The following TRPM3 variants were observed in gnomAD, a reference collection of about 807,000 sequenced individuals.
TRPM3 encodes long transient receptor potential channel 3.
TRPM3 carries 77 observed loss-of-function variants against 181.2 expected under a neutral mutation model. That is an observed-to-expected ratio of 0.42 (90% CI 0.35 to 0.51). The LOEUF is 0.51. Ranked by LOEUF, TRPM3 falls within the 20% of genes least tolerant of loss-of-function variation. The pLI is 0.01. For missense variants in TRPM3, 1,759 were observed against 2,196.7 expected (o/e 0.80, Z 3.98); for synonymous variants, 745 against 796.4 (o/e 0.94, Z 1.09).
intron 1 of TRPM3, among the ~76,000 whole-genome samples, chr9:71,003,619 T>G (rs2097641355): frequency 1.3e-5 from 2 of 152,144 alleles, no homozygotes; most frequent in African/African-American, 4.8e-5. Context: ...ATCTTTTGAA[T>G]TTTTACCAAT....
intron 8 of TRPM3, among the ~76,000 whole-genome samples, chr9:70,739,883 G>A (rs2073658838): frequency 2.0e-5 from 3 of 152,088 alleles, no homozygotes; most frequent in Admixed American, 2.0e-4. Context: ...CTCCCAAAGT[G>A]CTGGGATTAC....
At chr9:70,785,419 T>C (rs896125786) in intron 6 of TRPM3, among the ~76,000 whole-genome samples, 2 of 152,196 alleles carry the variant, frequency 1.3e-5, no homozygotes, top group African/African-American at 4.8e-5. Context: ...CACATTGTAT[T>C]TTTTCTCTCT....
Position 70,660,778 on chromosome 9 carries a change from A to T in TRPM3, c.1346-20118T>A, listed in dbSNP as rs558104462. On this transcript the variant is annotated intron_variant, in intron 9 of 25. Coordinates refer to ENST00000677713, the MANE Select transcript of TRPM3 (RefSeq NM_001366145.2). ...CTGAAAAGACAAATAACAAGCAGCA[A>T]GATTGAATAAGTATTAAAAAATGCC... is the stretch of plus-strand genomic sequence containing the variant. 1.3e-4 allele frequency among the ~76,000 whole-genome samples: 20 copies of T among 152,256 alleles called. No individual in the cohort carries two copies. The South Asian group carries it at 4.1e-3, about 32-fold the overall frequency.
intron 1 of TRPM3, among the ~76,000 whole-genome samples, chr9:71,047,868 C>G (rs1487148081): frequency 6.9e-6 from 1 of 144,814 alleles, no homozygotes; most frequent in Non-Finnish European, 1.5e-5. Context: ...ACTCACACAA[C>G]AAACAAATGA....
At chr9:70,584,280 C>T (rs965165157) in intron 22 of TRPM3, among the ~76,000 whole-genome samples, 1 of 152,150 alleles carries the variant, frequency 6.6e-6, no homozygotes, top group African/African-American at 2.4e-5. Flanking sequence ...TCTCTGTTAC[C>T]TTTTCAAGTA....
Position 71,331,755 on chromosome 9 carries a change from G to A in TRPM3, c.183+114898C>T, listed in dbSNP as rs1425343815. Among the ~76,000 whole-genome samples, 95 of 125,928 alleles carry A rather than the reference G, an allele frequency of 7.5e-4. 1 individual carries two copies. The highest frequency in any genetic ancestry group is 1.4e-3 in the Non-Finnish European group (84 of 59,784). 82.6% of individuals were successfully genotyped at this position (125,928 alleles called of 152,430 possible). A position where few individuals can be genotyped will look rare whatever the true frequency, so the allele number is the denominator to read the frequency against. On this transcript the variant is annotated intron_variant, in intron 1 of 24. Coordinates refer to the TRPM3 transcript ENST00000357533. ...GAGAAAAAGGAGGAGGAGGAAAAGG[G>A]GGAGAAAAAGGAGAAGGGGAAGAGG...
intron 1 of TRPM3, among the ~76,000 whole-genome samples, chr9:71,255,694 A>T (rs1260051804): frequency 6.6e-6 from 1 of 152,198 alleles, no homozygotes; most frequent in East Asian, 1.9e-4. Context: ...TTTGCCACCC[A>T]TTAAATGTAA....
At position 71,351,827 on chromosome 9, in the gene TRPM3, T is replaced by A. The variant is rs1364855560; in HGVS notation, c.183+94826A>T. ...TATGGGAGGAGAGGCAATAAGAAGG[T>A]AGGAGAGAGTAAAGGAAATGGGAAG... On this transcript the variant is annotated intron_variant, in intron 1 of 24. Transcript: ENST00000357533. Among the ~76,000 whole-genome samples the A allele has an allele frequency of 2.0e-5, 3 of 151,304 alleles. No homozygotes were observed. The East Asian group carries it at 5.8e-4, about 29-fold the overall frequency.
In TRPM3 at chr9:70,784,299, GAA is replaced by G. The variant is rs2083102901; in HGVS notation, c.974-22_974-21del. ...CGATTCCTGCATTAAAAAAGGAAAA[GAA>G]AAGGAAAAAAAGAGAAAAGAACACA... On this transcript the variant is annotated intron_variant, in intron 6 of 25. Transcript: ENST00000677713. 6.5e-7 allele frequency: 1 copy of G among 1,544,842 alleles called. No individual in the cohort carries two copies. Among genetic ancestry groups the G allele is most frequent in the African/African-American group, 1.4e-5 (1 of 71,796 alleles).
At position 70,781,318 on chromosome 9, in the gene TRPM3, C is replaced by T. The variant is rs1233942892; in HGVS notation, c.1148+2787G>A. On this transcript the variant is annotated intron_variant, in intron 7 of 25. Transcript: ENST00000677713. ...CCAGCCTGGGGGACAGCATGAGATT[C>T]CATTTCATAAAAAAAAAAAAAAAAA... Among the ~76,000 whole-genome samples the T allele has an allele frequency of 4.1e-5, 4 of 97,070 alleles. No individual in the cohort carries two copies. In the South Asian group the frequency reaches 1.8e-3, roughly 43 times the overall value. 63.7% of individuals were successfully genotyped at this position (97,070 alleles called of 152,430 possible).
intron 1 of TRPM3, among the ~76,000 whole-genome samples, 169 bp downstream of exon 1, chr9:71,121,009 G>A (rs1309407060): frequency 1.3e-5 from 2 of 150,340 alleles, no homozygotes; most frequent in South Asian, 4.2e-4. Context: ...GGTGGGGGGC[G>A]TGGGGGGAGG....
chr9:71,192,259 G>A (rs1433181800), intron 1 of TRPM3, among the ~76,000 whole-genome samples: 1 of 151,824 alleles, frequency 6.6e-6, no homozygotes, highest in Non-Finnish European at 1.5e-5. Flanking sequence ...CTAAGCCTGA[G>A]AAGAGAGTTT....
chr9:71,393,049 G>T (rs2093100804), intron 1 of TRPM3, among the ~76,000 whole-genome samples: 1 of 152,118 alleles, frequency 6.6e-6, no homozygotes, highest in African/African-American at 2.4e-5. Flanking sequence ...TTCTAGGAAG[G>T]ACTGGATACC....
At chr9:70,976,707 G>A (rs959293512) in intron 1 of TRPM3, among the ~76,000 whole-genome samples, 3 of 152,132 alleles carry the variant, frequency 2.0e-5, no homozygotes, top group Non-Finnish European at 4.4e-5. Context: ...TCTCGGGCAG[G>A]GTTAACATCT....
intron 9 of TRPM3, among the ~76,000 whole-genome samples, chr9:70,644,173 C>T (rs1190395936): frequency 6.6e-6 from 1 of 152,200 alleles, no homozygotes; most frequent in Admixed American, 6.5e-5. Flanking sequence ...ACAGAGCTTA[C>T]ATCCTACTGG....
At chr9:70,549,394 G>T in intron 25 of TRPM3, 148 bp downstream of exon 25, 1 of 1,038,456 alleles carries the variant, frequency 9.6e-7, no homozygotes, top group Non-Finnish European at 1.3e-6. Context: ...TTTGGGCAAT[G>T]TTCTGTTCTC....
At chr9:70,933,178 T>A (rs978689896) in intron 1 of TRPM3, among the ~76,000 whole-genome samples, 1 of 152,162 alleles carries the variant, frequency 6.6e-6, no homozygotes, top group Non-Finnish European at 1.5e-5. Flanking sequence ...GTGGTTCCTC[T>A]GAGATATTAA....
intron 9 of TRPM3, among the ~76,000 whole-genome samples, chr9:70,641,160 G>A (rs1222569653): frequency 1.3e-5 from 2 of 152,146 alleles, no homozygotes; most frequent in East Asian, 1.9e-4. Flanking sequence ...TTGCTCTACC[G>A]TCTGGCTAGG....
Position 70,652,125 on chromosome 9 carries a change from G to A in TRPM3, c.1346-11465C>T, listed in dbSNP as rs150062048. Among the ~76,000 whole-genome samples, 613 of 152,252 alleles carry A rather than the reference G, an allele frequency of 4.0e-3. 5 individuals carry two copies. The highest frequency in any genetic ancestry group is 6.8e-3 in the Non-Finnish European group (464 of 68,026). The stretch of plus-strand genomic sequence containing the variant: ...TGGCAAGCATTTTCTTGGACAAAGG[G>A]AGGAATGTGGAGGAGGCTTCGAACC... On this transcript the variant is annotated intron_variant, in intron 9 of 25. Transcript: ENST00000677713.
Sources: gnomAD v4.1 joint callset for allele counts (sites outside exome capture counted in the v4.1 genomes callset) on GRCh38, gnomAD v4.1.1 for gene constraint, MANE v1.5 for transcripts, NCBI Gene and HGNC (gene_info 2026-07-23, HGNC 2026-07-21) for gene names.